The following ODAD1 variants were observed in gnomAD, a reference collection of about 807,000 sequenced individuals.
ODAD1 encodes the protein outer dynein arm docking complex subunit 1.
In ODAD1, 49 loss-of-function variants were observed where a neutral mutation model predicts 67.2. The ratio of observed to expected loss-of-function variants is 0.73; its 90% CI spans 0.58 to 0.92. The LOEUF (loss-of-function observed/expected upper bound fraction) is 0.92, where lower values mean the gene tolerates loss of function less well. Ranked by LOEUF, ODAD1 falls within the 40% of genes least tolerant of loss-of-function variation. The pLI, the probability that ODAD1 is intolerant of heterozygous loss-of-function variation, is 0.00. For synonymous variants in ODAD1, 345 were observed against 393.7 expected (o/e 0.88, Z 1.46); for missense variants, 897 against 953.7 (o/e 0.94, Z 0.78).
intron 4 of ODAD1, 51 bp from the exon 5 acceptor site, chr19:48,318,627 C>T: frequency 1.9e-6 from 3 of 1,542,682 alleles, no homozygotes; most frequent in Non-Finnish European, 2.6e-6. Context: ...CAGAACTCAG[C>T]ATCACTAAAG....
rs778824269 is a variant in ODAD1, at chr19:48,297,233, C to T, written c.1867G>A (p.Val623Met). Reference sequence around the variant, plus strand: ...GAGGCACTGGTGGAGCCGAAGGTCACGTGGCCAGTGTTGGGGTCACCGTGC... The same window carrying T: ...GAGGCACTGGTGGAGCCGAAGGTCATGTGGCCAGTGTTGGGGTCACCGTGC... Reference protein sequence around the residue: ...ITHGDPNTGHVTFGSTSASSG... With the variant: ...ITHGDPNTGHMTFGSTSASSG... Residue 623 changes from valine to methionine, a missense_variant, in exon 16 of 16, where the codon GTG (valine) becomes ATG (methionine). Physicochemically the swap from Val to Met is conservative, Grantham distance 21 (BLOSUM62 1). Coordinates refer to ENST00000674294, the MANE Select transcript of ODAD1 (RefSeq NM_001364171.2). 4 of 1,613,974 alleles carry T rather than the reference C, an allele frequency of 2.5e-6. No homozygotes were observed. The highest frequency in any genetic ancestry group is 4.5e-5 in the East Asian group (2 of 44,892).
rs1968343564 is a variant in ODAD1, at chr19:48,297,781, C to T, written c.1503-113G>A. ...GCCATTCTCCCACCAGCCCCGAGTG[C>T]CCTTCCCTTCTGGGGCACCCGGGGC... On this transcript the variant is annotated intron_variant, in intron 14 of 15. Coordinates refer to ENST00000674294, the MANE Select transcript of ODAD1 (RefSeq NM_001364171.2). 18 of 1,028,986 alleles carry T rather than the reference C, an allele frequency of 1.7e-5. No homozygotes were observed. In the South Asian group the frequency reaches 1.8e-4, roughly 10 times the overall value. 63.7% of individuals were successfully genotyped at this position (1,028,986 alleles called of 1,614,324 possible).
rs1459298571 is a variant in ODAD1 at position 48,318,383 on chromosome 19, C to T, written c.360+4G>A. On this transcript the variant is annotated splice_donor_region_variant and intron_variant, in intron 5 of 15. Coordinates refer to ENST00000674294, the MANE Select transcript of ODAD1 (RefSeq NM_001364171.2). Reference sequence around the variant, plus strand: ...GATCCGTAGAACCACCTCTCAAACCCCACCTGCTTGTCCAGGGCCCTGGTC... The same window carrying T: ...GATCCGTAGAACCACCTCTCAAACCTCACCTGCTTGTCCAGGGCCCTGGTC... 1 of 1,550,512 alleles carries T rather than the reference C, an allele frequency of 6.4e-7. No homozygotes were observed. Among genetic ancestry groups the T allele is most frequent in the Admixed American group, 2.0e-5 (1 of 50,942 alleles).
At chr19:48,321,574 G>A (rs1969031209) in intron 1 of ODAD1, 104 bp downstream of exon 1, 3 of 356,616 alleles carry the variant, frequency 8.4e-6, no homozygotes, top group Non-Finnish European at 1.5e-5. Context: ...GGGCCCGGTG[G>A]AAGGGCGGTG....
rs1968296881 is a variant in ODAD1, at chr19:48,296,879, AAAAGAC to A, written c.*91_*96del. The stretch of plus-strand genomic sequence containing the variant: ...AAGACAGAGGCCTGCCACTGGGAGA[AAAAGAC>A]AGAGACCCACAAGGCAAACAGGGGA... On this transcript the variant is annotated 3_prime_UTR_variant, in exon 16 of 16. Coordinates refer to ENST00000674294, the MANE Select transcript of ODAD1 (RefSeq NM_001364171.2). 44 of 1,441,242 alleles carry A rather than the reference AAAAGAC, an allele frequency of 3.1e-5. No homozygotes were observed. Among genetic ancestry groups the A allele is most frequent in the Non-Finnish European group, 4.0e-5 (44 of 1,103,720 alleles). The allele number at this position is 1,441,242 out of a possible 1,614,324, so 89.3% of individuals were successfully genotyped here. A position where few individuals can be genotyped will look rare whatever the true frequency, so the allele number is the denominator to read the frequency against.
At chr19:48,312,168 T>C in intron 5 of ODAD1, 52 bp from the exon 6 acceptor site, 6 of 1,463,118 alleles carry the variant, frequency 4.1e-6, no homozygotes, top group Non-Finnish European at 5.6e-6. Flanking sequence ...GTGGGAGAGA[T>C]TGAATGGCCC....
intron 14 of ODAD1, 142 bp downstream of exon 14, chr19:48,297,858 G>A: frequency 1.2e-6 from 1 of 846,258 alleles, no homozygotes; most frequent in South Asian, 1.8e-5. Flanking sequence ...CTGCCTCGAA[G>A]CACATACTTC....
Position 48,298,086 on chromosome 19 carries a change from G to A in ODAD1, c.1416C>T (p.Ser472=), listed in dbSNP as rs1161698973. ...QAFLHAQSFT[S]LADAALLVLG... Reference sequence around the variant, plus strand: ...GCACTAGGAGGGCAGCGTCGGCCAGGGAGGTGAAGCTCTGGAGAGTGTGGG... The same window carrying A: ...GCACTAGGAGGGCAGCGTCGGCCAGAGAGGTGAAGCTCTGGAGAGTGTGGG... Residue 472 remains serine (S), a synonymous_variant, in exon 14 of 16, where the codon TCC becomes TCT. Coordinates refer to ENST00000674294, the MANE Select transcript of ODAD1 (RefSeq NM_001364171.2). 1 of 1,613,228 alleles carries A rather than the reference G, an allele frequency of 6.2e-7. No homozygotes were observed. The highest frequency in any genetic ancestry group is 1.3e-5 in the African/African-American group (1 of 75,008).
At chr19:48,303,878 G>A (rs1243272422) in intron 9 of ODAD1, 75 bp downstream of exon 9, 4 of 1,580,518 alleles carry the variant, frequency 2.5e-6, no homozygotes, top group Admixed American at 1.7e-5. Flanking sequence ...TCCCACCTGG[G>A]GCACGAAGGT....
At chr19:48,318,136 C>A (rs980356090) in intron 5 of ODAD1, among the ~76,000 whole-genome samples, 1 of 152,102 alleles carries the variant, frequency 6.6e-6, no homozygotes, top group Non-Finnish European at 1.5e-5. Context: ...GGATTACAGG[C>A]ATGTGCCACC....
chr19:48,315,166 C>T (rs1332601064), intron 5 of ODAD1, among the ~76,000 whole-genome samples: 2 of 151,850 alleles, frequency 1.3e-5, no homozygotes, highest in African/African-American at 4.8e-5. Context: ...GCCTCCACCT[C>T]CCAGGCCAGG....
In ODAD1 at chr19:48,306,058, C is replaced by CA. The variant is rs200909960; in HGVS notation, c.665+197dup. On this transcript the variant is annotated intron_variant, in intron 8 of 15. Coordinates refer to ENST00000674294, the MANE Select transcript of ODAD1 (RefSeq NM_001364171.2). ...TGGGCGACAGAGCCAGACTCTGTCT[C>CA]AAAAAAAAAGACAGAACAGGACCTT... 1,639 of 355,374 alleles carry CA rather than the reference C, an allele frequency of 4.6e-3. 15 individuals are homozygous for CA. The highest frequency in any genetic ancestry group is 0.027 in the African/African-American group (1,188 of 44,290). The allele number at this position is 355,374 out of a possible 1,614,324, so 22.0% of individuals were successfully genotyped here. A position where few individuals can be genotyped will look rare whatever the true frequency, so the allele number is the denominator to read the frequency against.
At chr19:48,303,853 G>A in intron 9 of ODAD1, 69 bp from the exon 10 acceptor site, 1 of 1,574,840 alleles carries the variant, frequency 6.3e-7, no homozygotes. Context: ...CTGGGTGAGG[G>A]GGAGCGAAGT....
intron 12 of ODAD1, among the ~76,000 whole-genome samples, chr19:48,299,971 T>C (rs985990466): frequency 1.4e-5 from 2 of 139,598 alleles, no homozygotes; most frequent in Admixed American, 7.2e-5. Flanking sequence ...AGTCCAGGAG[T>C]TCAAGACTAG....
intron 12 of ODAD1, among the ~76,000 whole-genome samples, chr19:48,300,132 C>T (rs972405832): frequency 2.6e-5 from 4 of 152,008 alleles, no homozygotes; most frequent in Non-Finnish European, 5.9e-5. Flanking sequence ...ATGGCGAAAC[C>T]CCGTCTCTAC....
At position 48,318,268 on chromosome 19, in the gene ODAD1, A is replaced by G. The variant is rs913919572; in HGVS notation, c.360+119T>C. On this transcript the variant is annotated intron_variant, in intron 5 of 15. Transcript: ENST00000674294. Reference sequence around the variant, plus strand: ...CAGCCTCCCAATGTGCTGGGATTACAGGCATGAGCCACTGTGCCCGGCCTA... The same window carrying G: ...CAGCCTCCCAATGTGCTGGGATTACGGGCATGAGCCACTGTGCCCGGCCTA... The G allele has an allele frequency of 7.2e-5, 61 of 844,392 alleles. No homozygotes were observed. In the African/African-American group the frequency reaches 9.0e-4, roughly 13 times the overall value. 52.3% of individuals were successfully genotyped at this position (844,392 alleles called of 1,614,324 possible).
intron 5 of ODAD1, among the ~76,000 whole-genome samples, chr19:48,313,357 G>A (rs1199402415): frequency 1.3e-5 from 2 of 149,822 alleles, no homozygotes; most frequent in Non-Finnish European, 3.0e-5. Flanking sequence ...GAACCCAGGA[G>A]GAGAGGTTGC....
At chr19:48,302,190 C>G (rs563265275) in intron 12 of ODAD1, among the ~76,000 whole-genome samples, 1 of 140,780 alleles carries the variant, frequency 7.1e-6, no homozygotes, top group Non-Finnish European at 1.5e-5. Flanking sequence ...GATGAAGGAA[C>G]AGACCCTGGA....
chr19:48,318,788 T>C lies in ODAD1; in HGVS notation c.95A>G (p.Gln32Arg). Residue 32 changes from glutamine to arginine, a missense_variant, in exon 4 of 16, where the codon CAG becomes CGG. By Grantham distance (43) the Gln-to-Arg change is conservative. Coordinates refer to ENST00000674294, the MANE Select transcript of ODAD1 (RefSeq NM_001364171.2). ...GMVDWELSRLQRQCKVMEGER... is the reference protein window; with the variant it reads ...GMVDWELSRLRRQCKVMEGER... Reference sequence around the variant, plus strand: ...CCCTTCCATCACTTTGCATTGTCGCTGCAGCCTACTCAGCTCCCAATCCAC... The same window carrying C: ...CCCTTCCATCACTTTGCATTGTCGCCGCAGCCTACTCAGCTCCCAATCCAC... The C allele has an allele frequency of 6.4e-7, 1 of 1,550,976 alleles. No homozygotes were observed. Among genetic ancestry groups the C allele is most frequent in the Non-Finnish European group, 8.7e-7 (1 of 1,146,584 alleles).
Sources: allele counts gnomAD v4.1 joint callset (sites outside exome capture counted in the v4.1 genomes callset), GRCh38; gene constraint gnomAD v4.1.1; transcripts MANE v1.5; gene names NCBI Gene and HGNC (gene_info 2026-07-23, HGNC 2026-07-21).